IGF2R: variants seen among roughly 807,000 people sequenced by gnomAD.
IGF2R encodes the protein cation-independent mannose-6-phosphate receptor.
In IGF2R, 91 loss-of-function variants were observed where a neutral mutation model predicts 270.6. The observed-to-expected ratio is 0.34, with a 90% CI of 0.28 to 0.40. The LOEUF is 0.40. IGF2R is among the 10% of genes least tolerant of loss of function. IGF2R has a pLI of 1.00. For missense variants in IGF2R, 2,805 were observed against 3,188.3 expected, an observed-to-expected ratio of 0.88 and a Z score of 2.90; for synonymous variants, 1,316 against 1,258.9, an observed-to-expected ratio of 1.05 and a Z score of -0.96.
chr6:159,983,860 C>T (rs1002047818), intron 1 of IGF2R, among the ~76,000 whole-genome samples: 8 of 152,068 alleles, frequency 5.3e-5, no homozygotes, highest in African/African-American at 1.7e-4. Context: ...GGGAAGGAGC[C>T]GGCTGAGGGA....
At chr6:159,989,603 T>G (rs555798537) in intron 1 of IGF2R, among the ~76,000 whole-genome samples, 2 of 152,174 alleles carry the variant, frequency 1.3e-5, no homozygotes, top group African/African-American at 2.4e-5. Context: ...AATAAAAAAA[T>G]TTTATTTTTG....
chr6:159,972,528 A>AG (rs1783625839), intron 1 of IGF2R, among the ~76,000 whole-genome samples: 1 of 152,174 alleles, frequency 6.6e-6, no homozygotes, highest in African/African-American at 2.4e-5. Context: ...TTTCCAGGAA[A>AG]ACTACCTCTC....
chr6:159,979,189 T>A (rs1783741076), intron 1 of IGF2R, among the ~76,000 whole-genome samples: 1 of 152,184 alleles, frequency 6.6e-6, no homozygotes, highest in African/African-American at 2.4e-5. Context: ...TGTGCAAAAT[T>A]AACTTGTTGC....
intron 23 of IGF2R, 133 bp from the exon 24 acceptor site, chr6:160,061,370 C>T (rs771607094): frequency 1.5e-5 from 12 of 809,690 alleles, no homozygotes; most frequent in Admixed American, 2.3e-5. Flanking sequence ...CTCAGCCTCC[C>T]GTGGATTTCC....
At chr6:160,072,571 G>A (rs895447906) in intron 32 of IGF2R, among the ~76,000 whole-genome samples, 194 bp from the exon 33 acceptor site, 27 of 152,226 alleles carry the variant, frequency 1.8e-4, no homozygotes, top group African/African-American at 5.3e-4. Context: ...CTAAGGATGG[G>A]ACATCTCATG....
At chr6:160,081,728 A>AT (rs1778986919) in intron 39 of IGF2R, among the ~76,000 whole-genome samples, 1 of 152,194 alleles carries the variant, frequency 6.6e-6, no homozygotes, top group African/African-American at 2.4e-5. Flanking sequence ...AGGGCTGTTA[A>AT]TTATTAAAAT....
Position 160,064,495 on chromosome 6 carries a change from A to G in IGF2R, c.3981A>G (p.Thr1327=), listed in dbSNP as rs765851436. The G allele has an allele frequency of 2.5e-6, 4 of 1,614,200 alleles. No homozygotes were observed. Among genetic ancestry groups the G allele is most frequent in the South Asian group, 1.1e-5 (1 of 91,088 alleles). The stretch of plus-strand genomic sequence containing the variant: ...GCCATAAGGTTTATCAGCGCTCCAC[A>G]GCCATCTTCTTCTACTGTGACCGCG... ...DTCHKVYQRS[T]AIFFYCDRGT... Residue 1327 remains threonine (T), a synonymous_variant, in exon 28 of 48, where the codon ACA becomes ACG. Coordinates refer to ENST00000356956, the MANE Select transcript of IGF2R (RefSeq NM_000876.4).
intron 6 of IGF2R, among the ~76,000 whole-genome samples, chr6:160,027,664 T>C (rs899403192): frequency 1.1e-4 from 17 of 152,240 alleles, no homozygotes; most frequent in Admixed American, 1.1e-3. Flanking sequence ...TGTGTTCTCA[T>C]CTTGGGAGGG....
At chr6:160,026,544 A>G (rs894419674) in intron 5 of IGF2R, among the ~76,000 whole-genome samples, 1 of 152,250 alleles carries the variant, frequency 6.6e-6, no homozygotes, top group Admixed American at 6.5e-5. Flanking sequence ...TAGTAAACAA[A>G]TAAATCCCAA....
chr6:160,061,619 C>T lies in IGF2R; in HGVS notation c.3379C>T (p.Pro1127Ser), dbSNP rs1258122169. The T allele has an allele frequency of 1.9e-6, 3 of 1,614,044 alleles. No homozygotes were observed. Among genetic ancestry groups the T allele is most frequent in the Non-Finnish European group, 2.5e-6 (3 of 1,180,026 alleles). Residue 1127 changes from proline (P) to serine (S), a missense_variant, in exon 24 of 48, where the codon CCT becomes TCT. By Grantham distance (74) the Pro-to-Ser change is moderately conservative. Coordinates refer to ENST00000356956, the MANE Select transcript of IGF2R (RefSeq NM_000876.4). ...GACTTTCTATTTGAGCGTTTGCAAT[C>T]CTCTCCCTTACATTCCTGGATGCCA... Reference protein sequence around the residue: ...KRTFYLSVCNPLPYIPGCQGS... With the variant: ...KRTFYLSVCNSLPYIPGCQGS...
chr6:160,077,282 C>G (rs1235109549), intron 36 of IGF2R, among the ~76,000 whole-genome samples: 1 of 152,124 alleles, frequency 6.6e-6, no homozygotes, highest in Non-Finnish European at 1.5e-5. Context: ...CTGGGTGTGC[C>G]TCTGTAGATG....
rs376568041 is a variant in IGF2R, at chr6:160,027,332, A to G, written c.776+18A>G. The G allele has an allele frequency of 1.9e-6, 3 of 1,599,220 alleles. No individual in the cohort carries two copies. Among genetic ancestry groups the G allele is most frequent in the Non-Finnish European group, 2.6e-6 (3 of 1,173,722 alleles). On this transcript the variant is annotated intron_variant, in intron 6 of 47. Coordinates refer to ENST00000356956, the MANE Select transcript of IGF2R (RefSeq NM_000876.4). Reference sequence around the variant, plus strand: ...AAGGACAGGTCAGTCAAGGCCTCCGATGCTGTTGGCGTTTTTAATCTCCAG... The same window carrying G: ...AAGGACAGGTCAGTCAAGGCCTCCGGTGCTGTTGGCGTTTTTAATCTCCAG...
chr6:160,087,534 G>A (rs1267840875), intron 41 of IGF2R, among the ~76,000 whole-genome samples: 1 of 152,200 alleles, frequency 6.6e-6, no homozygotes, highest in Non-Finnish European at 1.5e-5. Context: ...TGACAATTGT[G>A]CAGTGGGCCA....
intron 33 of IGF2R, 119 bp from the exon 34 acceptor site, chr6:160,073,094 C>T: frequency 7.0e-7 from 1 of 1,428,252 alleles, no homozygotes; most frequent in East Asian, 2.3e-5. Flanking sequence ...CCGGATTGGA[C>T]ACTTGAAGTT....
In IGF2R at chr6:160,079,619, A is replaced by G; in HGVS notation, c.5518A>G (p.Thr1840Ala). Residue 1840 changes from threonine (T) to alanine (A), a missense_variant, in exon 38 of 48, where the codon ACC (threonine) becomes GCC (alanine). By Grantham distance (58) the Thr-to-Ala change is moderately conservative. Coordinates refer to ENST00000356956, the MANE Select transcript of IGF2R (RefSeq NM_000876.4). ...DSRTYSVGVCTFAVGPEQGGC... is the reference protein window; with the variant it reads ...DSRTYSVGVCAFAVGPEQGGC... Reference sequence around the variant, plus strand: ...GCGCACCTACAGCGTTGGGGTGTGCACCTTTGCAGTCGGGCCAGAACAAGG... The same window carrying G: ...GCGCACCTACAGCGTTGGGGTGTGCGCCTTTGCAGTCGGGCCAGAACAAGG... 1 of 1,540,392 alleles carries G rather than the reference A, an allele frequency of 6.5e-7. No individual in the cohort carries two copies. The highest frequency in any genetic ancestry group is 8.7e-7 in the Non-Finnish European group (1 of 1,144,224).
intron 37 of IGF2R, among the ~76,000 whole-genome samples, chr6:160,079,030 C>T (rs373651433): frequency 2.6e-5 from 4 of 152,162 alleles, no homozygotes; most frequent in Admixed American, 6.5e-5. Context: ...TGCTGTGGCA[C>T]GGCGGCTGGT....
At position 160,062,568 on chromosome 6, in the gene IGF2R, T is replaced by C. The variant is rs1396885092; in HGVS notation, c.3619T>C (p.Tyr1207His). 6.2e-7 allele frequency: 1 copy of C among 1,613,962 alleles called. No individual in the cohort carries two copies. The highest frequency in any genetic ancestry group is 1.3e-5 in the African/African-American group (1 of 75,022). ...ATTTCAGCTTCAGGATGGTTGTGAG[T>C]ACGTGTTTATCTGGAGAACTGTGGA... ...PAFQLQDGCE[Y>H]VFIWRTVEAC... The change falls in exon 26 of 48, where the codon TAC (tyrosine) becomes CAC (histidine). Residue 1207 changes from tyrosine (Y) to histidine (H), a missense_variant. Tyr to His is a moderately conservative substitution (Grantham distance 83). This residue lies in a region of IGF2R where 1,851 missense variants were observed against 2,207.2 expected (regional missense o/e 0.84). Transcript: ENST00000356956.
At chr6:159,984,296 T>C (rs964605587) in intron 1 of IGF2R, among the ~76,000 whole-genome samples, 3 of 152,252 alleles carry the variant, frequency 2.0e-5, no homozygotes, top group African/African-American at 7.2e-5. Flanking sequence ...CTAGTGATGC[T>C]GTAGCCATTG....
intron 44 of IGF2R, chr6:160,093,804 A>G: frequency 1.4e-6 from 1 of 736,986 alleles, no homozygotes; most frequent in South Asian, 1.4e-5. Flanking sequence ...ATCTCTCGTG[A>G]TGAGCTGTTA....
Sources: allele counts gnomAD v4.1 joint callset (sites outside exome capture counted in the v4.1 genomes callset), GRCh38; gene constraint gnomAD v4.1.1; regional missense constraint gnomAD v4.1.1; transcripts MANE v1.5; gene names NCBI Gene and HGNC (gene_info 2026-07-23, HGNC 2026-07-21).